Variants in TIRAP observed in about 807,000 individuals in gnomAD.
TIRAP encodes TIR domain containing adaptor protein, also known as toll/interleukin-1 receptor domain-containing adapter protein.
A neutral mutation model predicts 19.8 loss-of-function variants in TIRAP; 20 were observed. That is an observed-to-expected ratio of 1.01 (90% CI 0.71 to 1.47). The LOEUF is 1.47. Ranked by LOEUF, TIRAP falls within the 40% of genes most tolerant of loss-of-function variation. TIRAP has a pLI of 0.00. For synonymous variants in TIRAP, 125 were observed against 121.7 expected (o/e 1.03, Z -0.18); for missense variants, 276 against 285.1 (o/e 0.97, Z 0.23).
intron 1 of TIRAP, among the ~76,000 whole-genome samples, chr11:126,285,601 C>T (rs1236032686): frequency 6.6e-6 from 1 of 151,968 alleles, no homozygotes; most frequent in African/African-American, 2.4e-5. Context: ...CGGGAGATTG[C>T]CTTTTCACTC....
intron 1 of TIRAP, chr11:126,289,741 A>G (rs1951359387): frequency 3.0e-6 from 3 of 985,332 alleles, no homozygotes; most frequent in Admixed American, 1.2e-4. Context: ...AGAATACTAC[A>G]GCCCCCACAG....
At chr11:126,289,607 T>A in intron 1 of TIRAP, 14 of 968,198 alleles carry the variant, frequency 1.4e-5, no homozygotes, top group Non-Finnish European at 1.7e-5. Flanking sequence ...ACCTTTTATT[T>A]TAGTGTGTCT....
chr11:126,293,360 C>A (rs1206137264), intron 4 of TIRAP: 3 of 708,284 alleles, frequency 4.2e-6, no homozygotes, highest in Non-Finnish European at 7.7e-6. Context: ...ACAGGCAGCG[C>A]CTAGCACAAA....
rs199660307 is a variant in TIRAP, at chr11:126,292,791, G to A, written c.382G>A (p.Ala128Thr). The A allele has an allele frequency of 1.5e-5, 24 of 1,612,720 alleles. No homozygotes were observed. The East Asian group carries it at 5.1e-4, about 35-fold the overall frequency. Residue 128 changes from alanine to threonine, a missense_variant, in exon 4 of 5, where the codon GCT becomes ACT. Ala to Thr is a moderately conservative substitution (Grantham distance 58, BLOSUM62 0). Coordinates refer to ENST00000392679, the MANE Select transcript of TIRAP (RefSeq NM_001318777.2). Reference protein sequence around the residue: ...LQLRDATPGGAIVSELCQALS... With the variant: ...LQLRDATPGGTIVSELCQALS... The stretch of plus-strand genomic sequence containing the variant: ...ACTCCGGGATGCAACCCCAGGCGGC[G>A]CTATAGTGTCCGAGCTGTGCCAGGC...
rs565254002 is a variant in TIRAP, at chr11:126,287,951, G to A, written c.-216-2511G>A. On this transcript the variant is annotated intron_variant, in intron 1 of 4. Coordinates refer to ENST00000392679, the MANE Select transcript of TIRAP (RefSeq NM_001318777.2). This position sits in a 1 kb window ranked among gnomAD's most constrained non-coding sequence, Gnocchi z 4.2. ...GTATTTTTAGTAGAGACAGGGTTTC[G>A]ACCTGTCGGCCAGGCTGGTCTTGAA... is the stretch of plus-strand genomic sequence containing the variant. Among the ~76,000 whole-genome samples, 42 of 151,534 alleles carry A rather than the reference G, an allele frequency of 2.8e-4. No homozygotes were observed. The highest frequency in any genetic ancestry group is 1.8e-4 in the Non-Finnish European group (12 of 67,920).
At position 126,292,665 on chromosome 11, in the gene TIRAP, T is replaced by C; in HGVS notation, c.256T>C (p.Tyr86His). 6.2e-7 allele frequency: 1 copy of C among 1,614,054 alleles called. No individual in the cohort carries two copies. The change falls in exon 4 of 5, where the codon TAT (tyrosine) becomes CAT (histidine). Residue 86 changes from tyrosine (Y) to histidine (H), a missense_variant. Physicochemically the swap from Tyr to His is moderately conservative, Grantham distance 83 (BLOSUM62 2). Transcript: ENST00000392679. ...TGGCAGTAGTCGCTGGAGCAAAGACTATGACGTCTGCGTGTGCCACAGTGA... is the reference window on the plus strand; with the variant it reads ...TGGCAGTAGTCGCTGGAGCAAAGACCATGACGTCTGCGTGTGCCACAGTGA... ...DSGSSRWSKD[Y>H]DVCVCHSEED... is the part of the protein sequence containing the mutation.
intron 1 of TIRAP, among the ~76,000 whole-genome samples, chr11:126,284,768 C>T (rs1366582715): frequency 6.6e-6 from 1 of 151,286 alleles, no homozygotes; most frequent in East Asian, 1.9e-4. Context: ...GCAGGAGAAT[C>T]GCTTGAACGT....
chr11:126,292,562 C>T lies in TIRAP; in HGVS notation c.153C>T (p.Thr51=), dbSNP rs1378787119. 1.2e-6 allele frequency: 2 copies of T among 1,614,182 alleles called. No homozygotes were observed. The highest frequency in any genetic ancestry group is 1.1e-5 in the South Asian group (1 of 91,088). The change falls in exon 4 of 5, where the codon ACC becomes ACT. Residue 51 remains threonine (T), a synonymous_variant. Transcript: ENST00000392679. The part of the protein sequence containing the change: ...ESTSSDASQP[T]SQDSPLPPSL... The stretch of plus-strand genomic sequence containing the variant: ...CCTCCAGCGATGCTTCACAGCCTAC[C>T]TCACAGGACAGCCCACTACCCCCAA...
In TIRAP at chr11:126,290,865, T is replaced by C. The variant is rs1168614356; in HGVS notation, c.-30T>C. On this transcript the variant is annotated 5_prime_UTR_variant, in exon 3 of 5. Coordinates refer to ENST00000392679, the MANE Select transcript of TIRAP (RefSeq NM_001318777.2). This position sits in a 1 kb window ranked among gnomAD's most constrained non-coding sequence, Gnocchi z 4.9. ...CTCCTCCCCCTTCACCAATGCCTGGTCTCACGGGGCTAGTTTTGACCCCCA... is the reference window on the plus strand; with the variant it reads ...CTCCTCCCCCTTCACCAATGCCTGGCCTCACGGGGCTAGTTTTGACCCCCA... 2 of 1,589,000 alleles carry C rather than the reference T, an allele frequency of 1.3e-6. No individual in the cohort carries two copies. The highest frequency in any genetic ancestry group is 8.6e-7 in the Non-Finnish European group (1 of 1,165,916).
Position 126,291,496 on chromosome 11 carries a change from T to G in TIRAP, c.67+535T>G, listed in dbSNP as rs1189462310. On this transcript the variant is annotated intron_variant, in intron 3 of 4. Coordinates refer to ENST00000392679, the MANE Select transcript of TIRAP (RefSeq NM_001318777.2). This position sits in a 1 kb window ranked among gnomAD's most constrained non-coding sequence, Gnocchi z 5.6. ...CTCCCTGACATACCTGACACTGCAT[T>G]ATCTCAGTTAACTTTCAGCAACTAA... is the stretch of plus-strand genomic sequence containing the variant. The G allele has an allele frequency of 9.2e-7, 1 of 1,081,436 alleles. No homozygotes were observed. Among genetic ancestry groups the G allele is most frequent in the Non-Finnish European group, 1.3e-6 (1 of 793,890 alleles). The allele number at this position is 1,081,436 out of a possible 1,614,324, so 67.0% of individuals were successfully genotyped here. A position where few individuals can be genotyped will look rare whatever the true frequency, so the allele number is the denominator to read the frequency against.
chr11:126,292,628 T>G lies in TIRAP; in HGVS notation c.219T>G (p.His73Gln), dbSNP rs1483296117. Residue 73 changes from histidine (H) to glutamine (Q), a missense_variant, in exon 4 of 5, where the codon CAT becomes CAG. By Grantham distance (24) the His-to-Gln change is conservative. Transcript: ENST00000392679. Reference protein sequence around the residue: ...SVTSPSLPPTHASDSGSSRWS... With the variant: ...SVTSPSLPPTQASDSGSSRWS... ...CGTCTCCCAGCCTGCCACCCACACA[T>G]GCGAGTGACAGTGGCAGTAGTCGCT... 1 of 1,614,014 alleles carries G rather than the reference T, an allele frequency of 6.2e-7. No individual in the cohort carries two copies. Among genetic ancestry groups the G allele is most frequent in the African/African-American group, 1.3e-5 (1 of 74,914 alleles).
chr11:126,283,217 G>C, intron 1 of TIRAP, 64 bp downstream of exon 1: 7 of 907,564 alleles, frequency 7.7e-6, no homozygotes, highest in Non-Finnish European at 9.2e-6. Context: ...GGTGGGCGAC[G>C]GAGCGCGGCC....
chr11:126,292,406 G>T, intron 3 of TIRAP, 71 bp from the exon 4 acceptor site: 1 of 1,547,612 alleles, frequency 6.5e-7, no homozygotes. Context: ...GTGAGGTGGG[G>T]CTCCTCCCTG....
chr11:126,292,772 G>A lies in TIRAP; in HGVS notation c.363G>A (p.Arg121=), dbSNP rs757282543. 1 of 1,613,040 alleles carries A rather than the reference G, an allele frequency of 6.2e-7. No individual in the cohort carries two copies. The highest frequency in any genetic ancestry group is 8.5e-7 in the Non-Finnish European group (1 of 1,179,746). The stretch of plus-strand genomic sequence containing the variant: ...GCCTGCGCTGCTTCCTGCAACTCCG[G>A]GATGCAACCCCAGGCGGCGCTATAG... The part of the protein sequence containing the change: ...TASLRCFLQL[R]DATPGGAIVS... The change falls in exon 4 of 5, where the codon CGG becomes CGA. Residue 121 remains arginine (R), a synonymous_variant. Transcript: ENST00000392679.
rs1249550942 is a variant in TIRAP at position 126,291,121 on chromosome 11, AGAGT to A, written c.67+164_67+167del. On this transcript the variant is annotated intron_variant, in intron 3 of 4. Transcript: ENST00000392679. The surrounding 1 kb of genome is among the most constrained non-coding windows in gnomAD (Gnocchi z 5.6). ...AATTCAGGGCCTGGATGCTTTGTGG[AGAGT>A]GAGGAGGGGAGGCCTGCGTCAGCTC... Among the ~76,000 whole-genome samples the A allele has an allele frequency of 1.3e-5, 2 of 149,736 alleles. No homozygotes were observed. Among genetic ancestry groups the A allele is most frequent in the Admixed American group, 6.6e-5 (1 of 15,070 alleles).
Position 126,291,196 on chromosome 11 carries a change from CAGCT to C in TIRAP, c.67+240_67+243del. The C allele has an allele frequency of 3.2e-6, 2 of 630,164 alleles. No individual in the cohort carries two copies. The highest frequency in any genetic ancestry group is 3.0e-5 in the Admixed American group (1 of 33,356). 39.0% of individuals were successfully genotyped at this position (630,164 alleles called of 1,614,324 possible). A position where few individuals can be genotyped will look rare whatever the true frequency, so the allele number is the denominator to read the frequency against. On this transcript the variant is annotated intron_variant, in intron 3 of 4. Transcript: ENST00000392679. This position sits in a 1 kb window ranked among gnomAD's most constrained non-coding sequence, Gnocchi z 5.6. Reference sequence around the variant, plus strand: ...GGCTCAAAGGTTTTCCAGGCCTGCTCAGCTAGCTTTCCTAGCCTGGAAACCACTG... The same window carrying C: ...GGCTCAAAGGTTTTCCAGGCCTGCTCAGCTTTCCTAGCCTGGAAACCACTG...
At chr11:126,292,085 C>G (rs1403373668) in intron 3 of TIRAP, among the ~76,000 whole-genome samples, 3 of 151,974 alleles carry the variant, frequency 2.0e-5, no homozygotes, top group Non-Finnish European at 4.4e-5. Context: ...GCGGGCAGAT[C>G]ATGAGGTCAG....
In TIRAP at chr11:126,290,961, G is replaced by T; in HGVS notation, c.67G>T (p.Asp23Tyr). 1 of 1,603,934 alleles carries T rather than the reference G, an allele frequency of 6.2e-7. No homozygotes were observed. Reference sequence around the variant, plus strand: ...TAAGAAGCCTCTAGGCAAGATGGCTGGTGAGTGGAACCGGACTCGCGACTC... The same window carrying T: ...TAAGAAGCCTCTAGGCAAGATGGCTTGTGAGTGGAACCGGACTCGCGACTC... The part of the protein sequence containing the change: ...RPKKPLGKMA[D>Y]WFRQTLLKKP... The change falls in exon 3 of 5, where the codon GAC (aspartate) becomes TAC (tyrosine). Residue 23 changes from aspartate (D) to tyrosine (Y), a missense_variant and splice_region_variant. By Grantham distance (160) the Asp-to-Tyr change is radical. Coordinates refer to ENST00000392679, the MANE Select transcript of TIRAP (RefSeq NM_001318777.2). This position sits in a 1 kb window ranked among gnomAD's most constrained non-coding sequence, Gnocchi z 4.9.
At chr11:126,283,458 C>T (rs1951279908) in intron 1 of TIRAP, among the ~76,000 whole-genome samples, 1 of 152,254 alleles carries the variant, frequency 6.6e-6, no homozygotes, top group South Asian at 2.1e-4. Flanking sequence ...GAGCCTGGCG[C>T]TCAGTGCGTT....
Sources: allele counts gnomAD v4.1 joint callset (sites outside exome capture counted in the v4.1 genomes callset), GRCh38; gene constraint gnomAD v4.1.1; non-coding constraint Gnocchi (gnomAD v3.1); transcripts MANE v1.5; gene names NCBI Gene and HGNC (gene_info 2026-07-23, HGNC 2026-07-21).